Variants in SNTG1 observed in about 807,000 individuals in gnomAD.
SNTG1 encodes the protein gamma-1-syntrophin.
SNTG1 carries 39 observed loss-of-function variants against 74.7 expected under a neutral mutation model. The ratio of observed to expected loss-of-function variants is 0.52; its 90% CI spans 0.40 to 0.68. The LOEUF is 0.68. Among genes scored for constraint, SNTG1 ranks in the 30% least tolerant of loss-of-function variants. SNTG1 has a pLI of 0.00. For missense variants in SNTG1, 685 were observed against 609.5 expected (o/e 1.12, Z -1.30); for synonymous variants, 254 against 217.1 (o/e 1.17, Z -1.49).
intron 2 of SNTG1, among the ~76,000 whole-genome samples, chr8:50,196,244 C>T (rs779652249): frequency 1.3e-5 from 2 of 152,010 alleles, no homozygotes; most frequent in Non-Finnish European, 2.9e-5. Context: ...TGTCAGAAGG[C>T]CTGGACAGAA....
intron 1 of SNTG1, among the ~76,000 whole-genome samples, chr8:50,152,789 G>A (rs539605825): frequency 6.6e-6 from 1 of 152,276 alleles, no homozygotes; most frequent in South Asian, 2.1e-4. Context: ...TAGTCTGATG[G>A]GTTTCCCTTT....
chr8:50,446,384 A>AAC (rs768212055), intron 5 of SNTG1, among the ~76,000 whole-genome samples: 15 of 151,466 alleles, frequency 9.9e-5, no homozygotes, highest in Non-Finnish European at 2.1e-4. Flanking sequence ...AAAAGCAAAA[A>AAC]AAAAAAACAG....
At chr8:50,772,368 T>G (rs1347926994) in intron 18 of SNTG1, among the ~76,000 whole-genome samples, 1 of 152,194 alleles carries the variant, frequency 6.6e-6, no homozygotes, top group African/African-American at 2.4e-5. Flanking sequence ...TGCTGTGTTT[T>G]GGACTTATGT....
chr8:50,783,647 TC>T (rs1290878421), intron 18 of SNTG1, among the ~76,000 whole-genome samples: 72 of 152,308 alleles, frequency 4.7e-4, no homozygotes, highest in African/African-American at 1.4e-3. Context: ...CCCTTGCACT[TC>T]CCGAGTGAGG....
rs984557356 is a variant in SNTG1, at chr8:50,707,420, T to G, written c.1192-1466T>G. Among the ~76,000 whole-genome samples the G allele has an allele frequency of 4.6e-5, 7 of 152,266 alleles. No homozygotes were observed. The East Asian group carries it at 1.3e-3, about 29-fold the overall frequency. On this transcript the variant is annotated intron_variant, in intron 16 of 18. Transcript: ENST00000642720. Reference sequence around the variant, plus strand: ...AAACAAATATAATTACTCCTGAAAATGGACTTTTGAGGCCCATTAAGTATG... The same window carrying G: ...AAACAAATATAATTACTCCTGAAAAGGGACTTTTGAGGCCCATTAAGTATG...
intron 1 of SNTG1, among the ~76,000 whole-genome samples, chr8:50,167,075 G>A (rs960584527): frequency 9.3e-5 from 12 of 129,182 alleles, no homozygotes; most frequent in African/African-American, 2.5e-4. Context: ...TGAACAATGC[G>A]ATCACATGGA....
rs10100178 is a variant in SNTG1 at position 50,122,717 on chromosome 8, T to C, written c.-102-49844T>C. Among the ~76,000 whole-genome samples, 1,318 of 141,096 alleles carry C rather than the reference T, an allele frequency of 9.3e-3. 159 individuals carry two copies. Among genetic ancestry groups the C allele is most frequent in the African/African-American group, 0.032 (1,259 of 38,972 alleles). 92.6% of individuals were successfully genotyped at this position (141,096 alleles called of 152,430 possible). Reference sequence around the variant, plus strand: ...ATAGTAATGGGGACAAGAGGATGCATTTAAAATAACTGATGATGAGTTGAA... The same window carrying C: ...ATAGTAATGGGGACAAGAGGATGCACTTAAAATAACTGATGATGAGTTGAA... On this transcript the variant is annotated intron_variant, in intron 1 of 18. Coordinates refer to ENST00000642720, the MANE Select transcript of SNTG1 (RefSeq NM_018967.5).
At chr8:49,978,708 G>T (rs1812407374) in intron 1 of SNTG1, among the ~76,000 whole-genome samples, 1 of 152,150 alleles carries the variant, frequency 6.6e-6, no homozygotes, top group Non-Finnish European at 1.5e-5. Context: ...AAGAAAAACA[G>T]CCATTTTATT....
chr8:50,476,195 T>C (rs2093695937), intron 8 of SNTG1, among the ~76,000 whole-genome samples: 1 of 152,176 alleles, frequency 6.6e-6, no homozygotes, highest in Non-Finnish European at 1.5e-5. Flanking sequence ...GCTGGCATAT[T>C]ATTATAATTG....
At chr8:50,675,262 G>T (rs761342508) in intron 15 of SNTG1, among the ~76,000 whole-genome samples, 4 of 151,986 alleles carry the variant, frequency 2.6e-5, no homozygotes, top group East Asian at 1.9e-4. Flanking sequence ...TGACAACTGG[G>T]TGTTAAAGTC....
rs534959084 is a variant in SNTG1, at chr8:50,344,550, C to T, written c.-27-49662C>T. Among the ~76,000 whole-genome samples, 185 of 152,308 alleles carry T rather than the reference C, an allele frequency of 1.2e-3. No individual in the cohort carries two copies. The South Asian group carries it at 0.016, about 13-fold the overall frequency. On this transcript the variant is annotated intron_variant, in intron 2 of 18. Transcript: ENST00000642720. Reference sequence around the variant, plus strand: ...AGAGCACATGGAAACAGAAATATTACTGTGGTCATTTCTGGATGATATAAT... The same window carrying T: ...AGAGCACATGGAAACAGAAATATTATTGTGGTCATTTCTGGATGATATAAT...
intron 15 of SNTG1, among the ~76,000 whole-genome samples, chr8:50,659,262 T>C (rs1248061227): frequency 2.6e-5 from 4 of 152,164 alleles, no homozygotes; most frequent in African/African-American, 9.6e-5. Flanking sequence ...ATGGTTTCTA[T>C]AGCGTTTTTT....
chr8:49,986,637 C>T (rs1355950318), intron 1 of SNTG1, among the ~76,000 whole-genome samples: 1 of 151,166 alleles, frequency 6.6e-6, no homozygotes, highest in East Asian at 1.9e-4. Context: ...CTTTTGGAGG[C>T]CAAGGAGGGC....
chr8:50,390,739 A>C (rs2092645786), intron 2 of SNTG1, among the ~76,000 whole-genome samples: 1 of 152,008 alleles, frequency 6.6e-6, no homozygotes, highest in African/African-American at 2.4e-5. Flanking sequence ...GTCCTCTTTT[A>C]TTTCATTGAG....
intron 1 of SNTG1, among the ~76,000 whole-genome samples, chr8:50,005,156 A>T (rs1340670574): frequency 2.0e-5 from 3 of 152,292 alleles, no homozygotes; most frequent in African/African-American, 7.2e-5. Context: ...ACTGTAAATG[A>T]TAATTTACAT....
intron 15 of SNTG1, among the ~76,000 whole-genome samples, chr8:50,694,886 A>G (rs2095398047): frequency 6.9e-6 from 1 of 145,802 alleles, no homozygotes; most frequent in Admixed American, 6.6e-5. Context: ...TTCTTTTATA[A>G]TTAAAAAAAA....
At chr8:50,552,395 G>T (rs2094432443) in intron 11 of SNTG1, among the ~76,000 whole-genome samples, 2 of 152,186 alleles carry the variant, frequency 1.3e-5, no homozygotes, top group Admixed American at 6.5e-5. Flanking sequence ...AATACTGTCA[G>T]AATGCTTAGA....
chr8:50,254,948 CTTTTTTTTT>C (rs4006072), intron 2 of SNTG1, among the ~76,000 whole-genome samples: 5 of 85,258 alleles, frequency 5.9e-5, no homozygotes, highest in Admixed American at 1.6e-4. Context: ...TTTATTGCCA[CTTTTTTTTT>C]TTTTTTTTTT....
chr8:50,004,944 C>T (rs778663394), intron 1 of SNTG1, among the ~76,000 whole-genome samples: 5 of 152,246 alleles, frequency 3.3e-5, no homozygotes, highest in Middle Eastern at 3.4e-3. Context: ...AATTAAACTG[C>T]GCATGAAACC....
Sources: allele counts gnomAD v4.1 joint callset (sites outside exome capture counted in the v4.1 genomes callset), GRCh38; gene constraint gnomAD v4.1.1; transcripts MANE v1.5; gene names NCBI Gene and HGNC (gene_info 2026-07-23, HGNC 2026-07-21).